The following TRMT2B variants were observed in gnomAD, a reference collection of about 807,000 sequenced individuals.
The protein encoded by TRMT2B is tRNA (uracil-5-)-methyltransferase homolog B.
A neutral mutation model predicts 39.7 loss-of-function variants in TRMT2B; 34 were observed. The observed-to-expected ratio is 0.86, with a 90% CI of 0.65 to 1.14. TRMT2B has a LOEUF of 1.14. Among genes scored for constraint, TRMT2B ranks in the 50% most tolerant of loss-of-function variants. TRMT2B has a pLI of 0.00. For missense variants in TRMT2B, 318 were observed against 377.2 expected, an observed-to-expected ratio of 0.84 and a Z score of 1.30; for synonymous variants, 132 against 137.3, an observed-to-expected ratio of 0.96 and a Z score of 0.27.
chrX:101,042,412 G>A lies in TRMT2B; in HGVS notation c.-23-100C>T, dbSNP rs2088294650. 5.5e-6 allele frequency: 5 copies of A among 903,268 alleles called. No individual in the cohort carries two copies. The East Asian group carries it at 1.6e-4, about 29-fold the overall frequency. 74.4% of individuals were successfully genotyped at this position (903,268 alleles called of 1,213,427 possible). A position where few individuals can be genotyped will look rare whatever the true frequency, so the allele number is the denominator to read the frequency against. On this transcript the variant is annotated intron_variant, in intron 2 of 13. Transcript: ENST00000372936. ...CCTTATGGAACTGAAGCGCCTAGCA[G>A]AATGCTGGCACACAGCAGACAGTAA... is the stretch of plus-strand genomic sequence containing the variant.
chrX:101,021,931 G>C (rs747180419), intron 9 of TRMT2B, 37 bp downstream of exon 9: 7 of 1,040,983 alleles, frequency 6.7e-6, no homozygotes, highest in Non-Finnish European at 9.5e-6. Flanking sequence ...CCAAGAGTCT[G>C]GCAAGCCATC....
At chrX:100,978,845 T>C in the TRMT2B span, among the ~76,000 whole-genome samples, 1 of 111,203 alleles carries the variant, frequency 9.0e-6, no homozygotes, top group Non-Finnish European at 1.9e-5. Context: ...ATTTTTTGTC[T>C]ATCTGTTGTA....
rs142199380 is a variant in TRMT2B, at chrX:101,011,400, T to G, written c.1389-693A>C. 2.0e-3 allele frequency among the ~76,000 whole-genome samples: 222 copies of G among 111,539 alleles called. 1 individual carries two copies. The highest frequency in any genetic ancestry group is 6.9e-3 in the African/African-American group (211 of 30,746). On this transcript the variant is annotated intron_variant, in intron 13 of 13. Coordinates refer to ENST00000372936, the MANE Select transcript of TRMT2B (RefSeq NM_024917.6). ...AATATAGTAGAAAAACTGGTCAACCTGGACAGCATAGTGAGACCCCATCTC... is the reference window on the plus strand; with the variant it reads ...AATATAGTAGAAAAACTGGTCAACCGGGACAGCATAGTGAGACCCCATCTC...
chrX:100,974,321 A>C, the TRMT2B span: 91 of 484,988 alleles, frequency 1.9e-4, no homozygotes, highest in South Asian at 6.3e-4. Context: ...GTGCATAAAC[A>C]CCTCCTAACA....
downstream of TRMT2B, among the ~76,000 whole-genome samples, chrX:101,008,970 C>A (rs1349869579): frequency 1.8e-5 from 2 of 111,813 alleles, no homozygotes; most frequent in Non-Finnish European, 3.8e-5. Context: ...ACCCTGGTGT[C>A]TTTCCCATGT....
chrX:101,028,915 T>C (rs2087279570), intron 7 of TRMT2B, among the ~76,000 whole-genome samples: 1 of 111,370 alleles, frequency 9.0e-6, no homozygotes, highest in South Asian at 3.8e-4. Context: ...CATAGTAAAA[T>C]GTGCTTGCTT....
chrX:100,984,111 G>GT, the TRMT2B span, among the ~76,000 whole-genome samples: 1 of 104,610 alleles, frequency 9.6e-6, no homozygotes, highest in Non-Finnish European at 2.0e-5. Context: ...TTTTTTTTTT[G>GT]TTTTTTGTTT....
the TRMT2B span, among the ~76,000 whole-genome samples, chrX:101,002,553 G>T: frequency 9.0e-6 from 1 of 111,201 alleles, no homozygotes; most frequent in Non-Finnish European, 1.9e-5. Flanking sequence ...GCCGAGGTGG[G>T]TGGATAACCT....
chrX:101,047,104 G>A (rs1364856885), intron 2 of TRMT2B, among the ~76,000 whole-genome samples: 3 of 108,165 alleles, frequency 2.8e-5, no homozygotes, highest in African/African-American at 6.7e-5. Flanking sequence ...GGTGGCATGC[G>A]CCTGTAGTCC....
At chrX:101,040,963 A>G (rs2088194557) in intron 4 of TRMT2B, among the ~76,000 whole-genome samples, 1 of 111,529 alleles carries the variant, frequency 9.0e-6, no homozygotes, top group Admixed American at 9.7e-5. Flanking sequence ...TAATCCCAGC[A>G]CTCTGGGAGG....
chrX:101,014,353 T>C (rs2086412660), intron 13 of TRMT2B, among the ~76,000 whole-genome samples: 1 of 110,541 alleles, frequency 9.0e-6, no homozygotes, highest in East Asian at 2.8e-4. Context: ...TTTTACTGTT[T>C]TAGAGATGGG....
intron 7 of TRMT2B, among the ~76,000 whole-genome samples, chrX:101,030,454 C>CTT (rs1331923176): frequency 1.5e-4 from 11 of 71,844 alleles, no homozygotes; most frequent in African/African-American, 7.3e-4. Context: ...GATCTGCATT[C>CTT]TTTTTTTTTT....
rs1421500677 is a variant in TRMT2B at position 101,020,540 on chromosome X, A to G, written c.1115T>C (p.Ile372Thr). The G allele has an allele frequency of 8.3e-7, 1 of 1,211,243 alleles. No individual in the cohort carries two copies. Residue 372 changes from isoleucine to threonine, a missense_variant, in exon 11 of 14, where the codon ATT becomes ACT. Physicochemically the swap from Ile to Thr is moderately conservative, Grantham distance 89. Coordinates refer to ENST00000372936, the MANE Select transcript of TRMT2B (RefSeq NM_024917.6). ...CTCCACTGCCTGCTCCAACAATTCAATCCCAAGGACCCGAGATGTATGCTG... is the reference window on the plus strand; with the variant it reads ...CTCCACTGCCTGCTCCAACAATTCAGTCCCAAGGACCCGAGATGTATGCTG... ...LAQHTSRVLG[I>T]ELLEQAVEDA...
chrX:101,027,472 G>A (rs1184799965), intron 7 of TRMT2B, among the ~76,000 whole-genome samples: 1 of 107,252 alleles, frequency 9.3e-6, no homozygotes, highest in African/African-American at 3.4e-5. Context: ...TTGATCTCCT[G>A]ACCTTGTGAT....
At chrX:100,981,116 C>T in the TRMT2B span, among the ~76,000 whole-genome samples, 1 of 111,739 alleles carries the variant, frequency 8.9e-6, no homozygotes, top group Non-Finnish European at 1.9e-5. Context: ...TCCTTGGCTC[C>T]AAGCCCATCA....
the TRMT2B span, chrX:100,988,284 G>A: frequency 8.3e-7 from 1 of 1,207,280 alleles, no homozygotes; most frequent in Non-Finnish European, 1.1e-6. Context: ...AATCCTACAG[G>A]TAAATGGCCC....
chrX:101,023,106 T>A (rs915784894), intron 8 of TRMT2B, among the ~76,000 whole-genome samples: 1 of 112,312 alleles, frequency 8.9e-6, no homozygotes. Context: ...ACCAAGTGCA[T>A]GACAAATGTA....
At chrX:101,036,266 C>T (rs929766264) in intron 6 of TRMT2B, among the ~76,000 whole-genome samples, 8 of 109,405 alleles carry the variant, frequency 7.3e-5, no homozygotes, top group Admixed American at 2.0e-4. Context: ...GCCAACATAG[C>T]GAAACCCCGT....
Position 101,030,454 on chromosome X carries a change from C to CTTTTTTTTTTTTTTTTTTTT in TRMT2B, c.609+5158_609+5159insAAAAAAAAAAAAAAAAAAAA, listed in dbSNP as rs1331923176. 5.4e-4 allele frequency among the ~76,000 whole-genome samples: 39 copies of CTTTTTTTTTTTTTTTTTTTT among 71,853 alleles called. 5 individuals carry two copies. Among genetic ancestry groups the CTTTTTTTTTTTTTTTTTTTT allele is most frequent in the South Asian group, 1.3e-3 (2 of 1,597 alleles). 62.4% of individuals were successfully genotyped at this position (71,853 alleles called of 115,157 possible). A position where few individuals can be genotyped will look rare whatever the true frequency, so the allele number is the denominator to read the frequency against. Reference sequence around the variant, plus strand: ...GGAAAAGCCTATATAGATCTGCATTCTTTTTTTTTTTTTTCAGATGGAGTC... The same window carrying CTTTTTTTTTTTTTTTTTTTT: ...GGAAAAGCCTATATAGATCTGCATTCTTTTTTTTTTTTTTTTTTTTTTTTTTTTTTTTTTCAGATGGAGTC... On this transcript the variant is annotated intron_variant, in intron 7 of 13. Coordinates refer to ENST00000372936, the MANE Select transcript of TRMT2B (RefSeq NM_024917.6).
Sources: allele counts gnomAD v4.1 joint callset (sites outside exome capture counted in the v4.1 genomes callset), GRCh38; gene constraint gnomAD v4.1.1; transcripts MANE v1.5; gene names NCBI Gene and HGNC (gene_info 2026-07-23, HGNC 2026-07-21).